The following TGFBRAP1 variants were observed in gnomAD, a reference collection of about 807,000 sequenced individuals.
TGFBRAP1 encodes transforming growth factor-beta receptor-associated protein 1.
In TGFBRAP1, 20 loss-of-function variants were observed where a neutral mutation model predicts 83.2. The observed-to-expected ratio is 0.24, with a 90% CI of 0.17 to 0.35. The LOEUF (loss-of-function observed/expected upper bound fraction) is 0.35. Ranked by LOEUF, TGFBRAP1 falls within the 10% of genes least tolerant of loss-of-function variation. The probability of loss-of-function intolerance (pLI) is 1.00; values close to 1 mark genes in which losing one functional copy is unlikely to be tolerated. For missense variants in TGFBRAP1, 950 were observed against 1,099.4 expected (o/e 0.86, Z 1.92); for synonymous variants, 415 against 459.8 (o/e 0.90, Z 1.25).
chr2:105,259,607 A>G (rs1676743171), downstream of TGFBRAP1, among the ~76,000 whole-genome samples: 2 of 152,176 alleles, frequency 1.3e-5, no homozygotes, highest in Non-Finnish European at 2.9e-5. Flanking sequence ...AGGGGTTGGG[A>G]AAAAAGATGG....
intron 1 of TGFBRAP1, among the ~76,000 whole-genome samples, chr2:105,323,724 C>G (rs1441232182): frequency 1.3e-5 from 2 of 152,146 alleles, no homozygotes; most frequent in Non-Finnish European, 2.9e-5. Context: ...TACTAGAAAA[C>G]AAACTGCCAA....
At chr2:105,256,446 T>A in the TGFBRAP1 span, among the ~76,000 whole-genome samples, 1,336 of 152,300 alleles carry the variant, frequency 8.8e-3, 13 homozygotes, top group African/African-American at 0.031. Flanking sequence ...GCTTCTGGCT[T>A]ACCCGCACTG....
At chr2:105,285,680 G>A (rs1677693100) in intron 4 of TGFBRAP1, among the ~76,000 whole-genome samples, 1 of 151,904 alleles carries the variant, frequency 6.6e-6, no homozygotes, top group Non-Finnish European at 1.5e-5. Context: ...AAGACAGGGT[G>A]GAAGAAAAAA....
intron 10 of TGFBRAP1, among the ~76,000 whole-genome samples, chr2:105,271,803 C>T (rs1365558069): frequency 1.3e-5 from 2 of 152,188 alleles, no homozygotes; most frequent in Admixed American, 6.5e-5. Flanking sequence ...AATCAACACT[C>T]GCAGCAGCTT....
At chr2:105,256,303 C>T in the TGFBRAP1 span, among the ~76,000 whole-genome samples, 13 of 152,274 alleles carry the variant, frequency 8.5e-5, no homozygotes, top group South Asian at 2.7e-3. Context: ...CTGTTACTCC[C>T]TGGGGTCCTG....
chr2:105,325,409 A>G (rs1239048466), intron 1 of TGFBRAP1, among the ~76,000 whole-genome samples: 3 of 152,170 alleles, frequency 2.0e-5, no homozygotes, highest in Non-Finnish European at 4.4e-5. Context: ...TGGCTTGCTC[A>G]AGGTTACCTG....
chr2:105,308,346 T>C lies in TGFBRAP1; in HGVS notation c.-17-28A>G. 1 of 1,548,156 alleles carries C rather than the reference T, an allele frequency of 6.5e-7. No homozygotes were observed. The highest frequency in any genetic ancestry group is 1.2e-5 in the South Asian group (1 of 83,306). ...GGAAGAGAAAGAGGAAAACTAATTT[T>C]AGAGGAACAAGGAAGAAGCAGAAAC... On this transcript the variant is annotated intron_variant, in intron 1 of 11. Coordinates refer to ENST00000393359, the MANE Select transcript of TGFBRAP1 (RefSeq NM_004257.6).
rs139270788 is a variant in TGFBRAP1, at chr2:105,306,877, A to G, written c.688+737T>C. Among the ~76,000 whole-genome samples, 10 of 151,852 alleles carry G rather than the reference A, an allele frequency of 6.6e-5. No individual in the cohort carries two copies. In the East Asian group the frequency reaches 1.9e-3, roughly 30 times the overall value. On this transcript the variant is annotated intron_variant, in intron 2 of 11. Transcript: ENST00000393359. ...AAAGAGGGTAAAGGAGAAATTCCAA[A>G]GAGACATTCAGGTGCAGTAAGTATG... is the stretch of plus-strand genomic sequence containing the variant.
intron 2 of TGFBRAP1, among the ~76,000 whole-genome samples, chr2:105,299,359 T>C (rs1024770440): frequency 1.3e-5 from 2 of 152,102 alleles, no homozygotes; most frequent in Non-Finnish European, 2.9e-5. Context: ...TGACAAAGCA[T>C]GTGTCCTCAC....
chr2:105,307,276 G>A (rs1678532710), intron 2 of TGFBRAP1, among the ~76,000 whole-genome samples: 2 of 152,236 alleles, frequency 1.3e-5, no homozygotes, highest in South Asian at 4.1e-4. Flanking sequence ...CCTTCAGAAA[G>A]CTCTCTGCTA....
chr2:105,267,596 T>A (rs1676991301), intron 11 of TGFBRAP1, 37 bp from the exon 12 acceptor site: 1 of 1,611,846 alleles, frequency 6.2e-7, no homozygotes, highest in Non-Finnish European at 8.5e-7. Flanking sequence ...TGCTGTCATG[T>A]GTTAAGTATA....
At chr2:105,314,629 T>C (rs922672168) in intron 1 of TGFBRAP1, among the ~76,000 whole-genome samples, 13 of 151,954 alleles carry the variant, frequency 8.6e-5, no homozygotes, top group African/African-American at 2.9e-4. Flanking sequence ...TCTTTGCCAG[T>C]ACCATAAAAC....
intron 10 of TGFBRAP1, among the ~76,000 whole-genome samples, chr2:105,271,949 A>AT (rs1332779990): frequency 6.6e-6 from 1 of 151,988 alleles, no homozygotes; most frequent in African/African-American, 2.4e-5. Context: ...GCTTTTTTGC[A>AT]TTTTGGTGCT....
intron 6 of TGFBRAP1, among the ~76,000 whole-genome samples, chr2:105,279,214 C>T (rs1221912838): frequency 6.6e-6 from 1 of 152,086 alleles, no homozygotes; most frequent in Non-Finnish European, 1.5e-5. Context: ...ATTAACAGTC[C>T]ATGATACATA....
At chr2:105,273,746 A>G in intron 8 of TGFBRAP1, 56 bp from the exon 9 acceptor site, 1 of 1,582,482 alleles carries the variant, frequency 6.3e-7, no homozygotes, top group Non-Finnish European at 8.6e-7. Context: ...CTTTCCTTTA[A>G]CTTTATTTTG....
chr2:105,300,183 C>T (rs1678235859), intron 2 of TGFBRAP1, among the ~76,000 whole-genome samples: 1 of 152,038 alleles, frequency 6.6e-6, no homozygotes, highest in African/African-American at 2.4e-5. Context: ...AGACTATAAA[C>T]CTCTGGTTTA....
At chr2:105,255,807 C>T in the TGFBRAP1 span, among the ~76,000 whole-genome samples, 9 of 152,144 alleles carry the variant, frequency 5.9e-5, no homozygotes, top group Admixed American at 2.0e-4. Flanking sequence ...AGCCTGCTCA[C>T]CCTGTCTCTC....
downstream of TGFBRAP1, among the ~76,000 whole-genome samples, chr2:105,262,989 A>G (rs559023808): frequency 6.6e-6 from 1 of 152,340 alleles, no homozygotes; most frequent in Non-Finnish European, 1.5e-5. Context: ...CTAAGAGCAA[A>G]TGGGGTGTTA....
chr2:105,314,998 AATT>A (rs1218776148), intron 1 of TGFBRAP1, among the ~76,000 whole-genome samples: 1 of 151,468 alleles, frequency 6.6e-6, no homozygotes, highest in East Asian at 1.9e-4. Flanking sequence ...ATAAAATTAT[AATT>A]ATTCACAGAT....
Sources: gnomAD v4.1 joint callset for allele counts (sites outside exome capture counted in the v4.1 genomes callset) on GRCh38, gnomAD v4.1.1 for gene constraint, MANE v1.5 for transcripts, NCBI Gene and HGNC (gene_info 2026-07-23, HGNC 2026-07-21) for gene names.